SMARCA2: variants seen among roughly 807,000 people sequenced by gnomAD.
SMARCA2 encodes the protein SWI/SNF related BAF chromatin remodeling complex subunit ATPase 2.
A neutral mutation model predicts 199.8 loss-of-function variants in SMARCA2; 61 were observed. That is an observed-to-expected ratio of 0.31 (90% CI 0.25 to 0.38). The LOEUF is 0.38. Ranked by LOEUF, SMARCA2 falls within the 10% of genes least tolerant of loss-of-function variation. SMARCA2 has a pLI of 1.00. For missense variants in SMARCA2, 1,344 were observed against 2,012.2 expected, an observed-to-expected ratio of 0.67 and a Z score of 6.35; for synonymous variants, 935 against 732.0, an observed-to-expected ratio of 1.28 and a Z score of -4.48.
intron 27 of SMARCA2, among the ~76,000 whole-genome samples, chr9:2,147,421 A>T (rs1017171620): frequency 6.6e-6 from 1 of 152,200 alleles, no homozygotes; most frequent in East Asian, 1.9e-4. Flanking sequence ...TTTAATTAAA[A>T]GCATATATCT....
intron 28 of SMARCA2, among the ~76,000 whole-genome samples, chr9:2,164,227 C>A (rs1825831538): frequency 6.6e-6 from 1 of 152,220 alleles, no homozygotes; most frequent in Non-Finnish European, 1.5e-5. Flanking sequence ...TCCTGGTATA[C>A]ATGGCTGTGG....
chr9:2,148,456 A>G (rs946309746), intron 27 of SMARCA2, among the ~76,000 whole-genome samples: 6 of 151,416 alleles, frequency 4.0e-5, no homozygotes, highest in African/African-American at 1.4e-4. Context: ...CCATTTCTGG[A>G]ACACATTTTA....
chr9:2,095,678 G>A (rs375276051), intron 19 of SMARCA2, among the ~76,000 whole-genome samples: 4 of 152,110 alleles, frequency 2.6e-5, no homozygotes, highest in Non-Finnish European at 5.9e-5. Flanking sequence ...AGATTCCTTC[G>A]AAAGCAACAA....
intron 13 of SMARCA2, 77 bp downstream of exon 13, chr9:2,076,406 T>G: frequency 1.0e-6 from 1 of 962,358 alleles, no homozygotes; most frequent in Admixed American, 1.7e-5. Flanking sequence ...GGAAATTTTG[T>G]TCAAGGAAGG....
At chr9:2,187,015 C>G (rs1827507396) in intron 32 of SMARCA2, among the ~76,000 whole-genome samples, 1 of 152,098 alleles carries the variant, frequency 6.6e-6, no homozygotes, top group African/African-American at 2.4e-5. Flanking sequence ...CTGGCAAATT[C>G]CCAGGGGGAA....
At chr9:2,183,049 C>T (rs1250961425) in intron 31 of SMARCA2, among the ~76,000 whole-genome samples, 4 of 152,218 alleles carry the variant, frequency 2.6e-5, no homozygotes, top group Non-Finnish European at 5.9e-5. Flanking sequence ...CCTCAGCCTC[C>T]CAAAGTGCTG....
intron 32 of SMARCA2, among the ~76,000 whole-genome samples, chr9:2,189,616 C>T (rs908486788): frequency 6.6e-6 from 1 of 152,042 alleles, no homozygotes; most frequent in African/African-American, 2.4e-5. Context: ...AGTAGGTAGG[C>T]CTTTTCATCT....
intron 10 of SMARCA2, among the ~76,000 whole-genome samples, chr9:2,071,727 G>C (rs900373100): frequency 6.6e-6 from 1 of 152,128 alleles, no homozygotes. Context: ...GTGATTTCCA[G>C]TTTTCTTAGA....
chr9:2,149,683 G>A (rs992799706), intron 27 of SMARCA2, among the ~76,000 whole-genome samples: 1 of 151,534 alleles, frequency 6.6e-6, no homozygotes. Flanking sequence ...AATTCAAGAT[G>A]AGATTTGGGT....
Position 2,069,552 on chromosome 9 carries a change from C to G in SMARCA2, c.1693-866C>G, listed in dbSNP as rs369326745. 7.4e-5 allele frequency among the ~76,000 whole-genome samples: 11 copies of G among 148,954 alleles called. No individual in the cohort carries two copies. The East Asian group carries it at 1.6e-3, about 22-fold the overall frequency. On this transcript the variant is annotated intron_variant, in intron 9 of 33. Coordinates refer to ENST00000349721, the MANE Select transcript of SMARCA2 (RefSeq NM_003070.5). The stretch of plus-strand genomic sequence containing the variant: ...CCAGCCTGGGCGACAGAGCAAGACT[C>G]TGTCTCAAAAAAAAAAAAAAGAAAT...
intron 23 of SMARCA2, among the ~76,000 whole-genome samples, chr9:2,107,426 T>C (rs2130568650): frequency 1.3e-5 from 2 of 152,358 alleles, no homozygotes; most frequent in Middle Eastern, 6.8e-3. Flanking sequence ...CAAGCAATTC[T>C]TGTGCCCCAC....
intron 17 of SMARCA2, among the ~76,000 whole-genome samples, chr9:2,085,007 A>T (rs187311180): frequency 1.3e-5 from 2 of 152,256 alleles, no homozygotes; most frequent in African/African-American, 4.8e-5. Context: ...TATAATCTGA[A>T]ACTAAGTTAT....
chr9:2,028,125 A>G (rs1237372671), intron 1 of SMARCA2, among the ~76,000 whole-genome samples: 1 of 152,170 alleles, frequency 6.6e-6, no homozygotes, highest in Non-Finnish European at 1.5e-5. Flanking sequence ...TCCAGTAGTC[A>G]TGGATGACTT....
chr9:2,175,858 T>TTG (rs1826546118), intron 29 of SMARCA2, among the ~76,000 whole-genome samples: 1 of 151,824 alleles, frequency 6.6e-6, no homozygotes, highest in South Asian at 2.1e-4. Context: ...TGATATCCTC[T>TTG]GTTTTTTTGG....
intron 27 of SMARCA2, among the ~76,000 whole-genome samples, chr9:2,138,957 G>A (rs1283967898): frequency 6.6e-6 from 1 of 152,194 alleles, no homozygotes; most frequent in African/African-American, 2.4e-5. Flanking sequence ...ATGCAGGCTT[G>A]ACAACTAAGG....
At chr9:2,165,071 A>G (rs1825870365) in intron 28 of SMARCA2, among the ~76,000 whole-genome samples, 1 of 152,208 alleles carries the variant, frequency 6.6e-6, no homozygotes, top group Non-Finnish European at 1.5e-5. Context: ...GGAGATGTAC[A>G]TTTCACTGTG....
chr9:2,184,317 C>A (rs775326174), intron 31 of SMARCA2, among the ~76,000 whole-genome samples: 2 of 151,016 alleles, frequency 1.3e-5, no homozygotes, highest in Admixed American at 1.3e-4. Flanking sequence ...TTTTACTTCT[C>A]AAGATGGAAA....
chr9:2,071,446 C>G (rs780691144), intron 10 of SMARCA2, among the ~76,000 whole-genome samples: 5 of 152,200 alleles, frequency 3.3e-5, no homozygotes, highest in Admixed American at 6.5e-5. Context: ...AAAGCCCAGC[C>G]TTACCTAAGA....
rs143461980 is a variant in SMARCA2 at position 2,055,960 on chromosome 9, TAATTA to T, written c.1174-705_1174-701del. Among the ~76,000 whole-genome samples the T allele has an allele frequency of 6.2e-4, 95 of 152,370 alleles. 1 individual carries two copies. In the East Asian group the frequency reaches 0.013, roughly 21 times the overall value. On this transcript the variant is annotated intron_variant, in intron 6 of 33. Coordinates refer to ENST00000349721, the MANE Select transcript of SMARCA2 (RefSeq NM_003070.5). ...AAAATCTGTTATTTATGAAGCTTCC[TAATTA>T]AATTAACTGTAACTAATGATATTTC...
Sources: allele counts gnomAD v4.1 joint callset (sites outside exome capture counted in the v4.1 genomes callset), GRCh38; gene constraint gnomAD v4.1.1; transcripts MANE v1.5; gene names NCBI Gene and HGNC (gene_info 2026-07-23, HGNC 2026-07-21).